Variants in NFATC3 observed in about 807,000 individuals in gnomAD.
The protein encoded by NFATC3 is nuclear factor of activated T cells 3, also known as nuclear factor of activated T-cells, cytoplasmic 3.
In NFATC3, 46 loss-of-function variants were observed where a neutral mutation model predicts 98.6. The observed-to-expected ratio is 0.47, with a 90% CI of 0.37 to 0.60. The LOEUF is 0.60. Among genes scored for constraint, NFATC3 ranks in the 20% least tolerant of loss-of-function variants. The pLI is 0.00. For synonymous variants in NFATC3, 512 were observed against 472.2 expected, an observed-to-expected ratio of 1.08 and a Z score of -1.09; for missense variants, 1,256 against 1,295.5, an observed-to-expected ratio of 0.97 and a Z score of 0.47.
In NFATC3 at chr16:68,228,087, G is replaced by T. The variant is rs1828426321; in HGVS notation, c.*1616G>T. On this transcript the variant is annotated 3_prime_UTR_variant, in exon 10 of 10. Coordinates refer to ENST00000346183, the MANE Select transcript of NFATC3 (RefSeq NM_173165.3). ...GCTGGCCTATTGCCCACCACCTGTT[G>T]TCAGTAGGTTAGGAGCTGTTGACTC... The T allele has an allele frequency of 6.6e-6, 1 of 152,196 alleles. No individual in the cohort carries two copies. The highest frequency in any genetic ancestry group is 1.5e-5 in the Non-Finnish European group (1 of 68,050). 9.4% of individuals were successfully genotyped at this position (152,196 alleles called of 1,614,324 possible).
At chr16:68,206,313 A>G (rs79719939) in intron 9 of NFATC3, among the ~76,000 whole-genome samples, 17,837 of 152,194 alleles carry the variant, frequency 0.12, 1,203 homozygotes, top group South Asian at 0.19. Flanking sequence ...TACATTCACA[A>G]TATTGTATAA....
chr16:68,117,404 C>T (rs1045263426), intron 1 of NFATC3, among the ~76,000 whole-genome samples: 19 of 152,170 alleles, frequency 1.2e-4, no homozygotes, highest in Admixed American at 9.8e-4. Context: ...TTTCCCATCT[C>T]GCAAGGCCTT....
intron 3 of NFATC3, among the ~76,000 whole-genome samples, chr16:68,141,918 C>T (rs1483923103): frequency 6.6e-6 from 1 of 152,008 alleles, no homozygotes; most frequent in Non-Finnish European, 1.5e-5. Context: ...CCTAGGTTTT[C>T]CTGTAGGATT....
At chr16:68,211,292 A>T (rs145040377) in intron 9 of NFATC3, among the ~76,000 whole-genome samples, 1 of 151,848 alleles carries the variant, frequency 6.6e-6, no homozygotes, top group Admixed American at 6.6e-5. Context: ...GGTTCACGCC[A>T]TTCTCCTGCC....
At chr16:68,169,722 C>T (rs1395107802) in intron 5 of NFATC3, among the ~76,000 whole-genome samples, 1 of 152,012 alleles carries the variant, frequency 6.6e-6, no homozygotes, top group Non-Finnish European at 1.5e-5. Flanking sequence ...AGGTGGATCA[C>T]CTGAGGTCAG....
At chr16:68,205,210 A>T (rs534123188) in intron 9 of NFATC3, among the ~76,000 whole-genome samples, 1 of 152,264 alleles carries the variant, frequency 6.6e-6, no homozygotes, top group South Asian at 2.1e-4. Flanking sequence ...AGATGATTTT[A>T]TGTAGAATGG....
chr16:68,209,240 G>A (rs1422090858), intron 9 of NFATC3, among the ~76,000 whole-genome samples: 2 of 152,130 alleles, frequency 1.3e-5, no homozygotes, highest in African/African-American at 4.8e-5. Flanking sequence ...GGTGGCTCAC[G>A]CCTGTGATAC....
intron 4 of NFATC3, among the ~76,000 whole-genome samples, chr16:68,163,470 C>T (rs1348784262): frequency 8.7e-5 from 13 of 149,930 alleles, no homozygotes; most frequent in East Asian, 2.0e-4. Flanking sequence ...ACCTCCCGGG[C>T]GGGGCTGCTG....
rs1400914362 is a variant in NFATC3, at chr16:68,122,578, G to C, written c.695G>C (p.Gly232Ala). Residue 232 changes from glycine to alanine, a missense_variant, in exon 2 of 10, where the codon GGA becomes GCA. Transcript: ENST00000346183. ...EETWHQQYGL[G>A]HSLSPRQSPC... ...ACTTGGCATCAACAGTATGGACTTGGACACTCATTATCACCCAGGCAATCT... is the reference window on the plus strand; with the variant it reads ...ACTTGGCATCAACAGTATGGACTTGCACACTCATTATCACCCAGGCAATCT... 3.1e-6 allele frequency: 5 copies of C among 1,614,088 alleles called. No individual in the cohort carries two copies. Among genetic ancestry groups the C allele is most frequent in the Non-Finnish European group, 4.2e-6 (5 of 1,180,014 alleles).
At chr16:68,089,141 TG>T in intron 1 of NFATC3, 3 of 985,434 alleles carry the variant, frequency 3.0e-6, no homozygotes, top group Non-Finnish European at 3.6e-6. Flanking sequence ...TCTGAAGGTT[TG>T]GGAGTACTTG....
At chr16:68,167,607 G>A (rs1244590356) in intron 5 of NFATC3, among the ~76,000 whole-genome samples, 1 of 151,952 alleles carries the variant, frequency 6.6e-6, no homozygotes. Flanking sequence ...GAAATATTGA[G>A]ACTAATACTT....
In NFATC3 at chr16:68,085,559, G is replaced by C; in HGVS notation, c.-123G>C. The C allele has an allele frequency of 1.3e-6, 1 of 796,676 alleles. No homozygotes were observed. Among genetic ancestry groups the C allele is most frequent in the Non-Finnish European group, 1.8e-6 (1 of 548,178 alleles). The allele number at this position is 796,676 out of a possible 1,614,324, so 49.4% of individuals were successfully genotyped here. On this transcript the variant is annotated 5_prime_UTR_variant, in exon 1 of 10. Coordinates refer to ENST00000346183, the MANE Select transcript of NFATC3 (RefSeq NM_173165.3). ...GCGGGCCCCGCCCGGAAAGTTTGCC[G>C]TGGAGTCGCGACCTCTTGGCCCGCG...
At chr16:68,149,882 A>T (rs935375885) in intron 3 of NFATC3, among the ~76,000 whole-genome samples, 4 of 152,212 alleles carry the variant, frequency 2.6e-5, no homozygotes, top group African/African-American at 4.8e-5. Flanking sequence ...GTAGACTATT[A>T]CCACTTCTCT....
chr16:68,198,987 G>A (rs994885857), intron 9 of NFATC3, among the ~76,000 whole-genome samples: 2 of 151,544 alleles, frequency 1.3e-5, no homozygotes, highest in Admixed American at 1.3e-4. Context: ...GGCGGGGATT[G>A]CAGTGAGCCA....
At chr16:68,105,804 T>C (rs1321788833) in intron 1 of NFATC3, among the ~76,000 whole-genome samples, 2 of 152,180 alleles carry the variant, frequency 1.3e-5, no homozygotes, top group African/African-American at 4.8e-5. Context: ...TCAGTTTTGG[T>C]AATCTCTGTA....
At chr16:68,111,294 A>G (rs2035934658) in intron 1 of NFATC3, among the ~76,000 whole-genome samples, 1 of 152,076 alleles carries the variant, frequency 6.6e-6, no homozygotes, top group South Asian at 2.1e-4. Context: ...TGTTTTATGA[A>G]ACTGAGTGTG....
intron 9 of NFATC3, among the ~76,000 whole-genome samples, chr16:68,213,665 C>A (rs548480216): frequency 1.3e-5 from 2 of 151,968 alleles, no homozygotes; most frequent in Non-Finnish European, 2.9e-5. Context: ...CCCATCTCTA[C>A]TAAAAATACA....
At position 68,227,048 on chromosome 16, in the gene NFATC3, T is replaced by C. The variant is rs1302861152; in HGVS notation, c.*577T>C. 6.6e-6 allele frequency: 1 copy of C among 152,014 alleles called. No individual in the cohort carries two copies. The highest frequency in any genetic ancestry group is 2.4e-5 in the African/African-American group (1 of 41,366). The allele number at this position is 152,014 out of a possible 1,614,324, so 9.4% of individuals were successfully genotyped here. A position where few individuals can be genotyped will look rare whatever the true frequency, so the allele number is the denominator to read the frequency against. On this transcript the variant is annotated 3_prime_UTR_variant, in exon 10 of 10. Coordinates refer to ENST00000346183, the MANE Select transcript of NFATC3 (RefSeq NM_173165.3). ...TATAGGAAATAAAGCCAAATGTAGC[T>C]CATACCTCTTTATAAAACTAAACTG...
chr16:68,122,604 C>G lies in NFATC3; in HGVS notation c.721C>G (p.Pro241Ala). 1 of 1,614,118 alleles carries G rather than the reference C, an allele frequency of 6.2e-7. No homozygotes were observed. Among genetic ancestry groups the G allele is most frequent in the Non-Finnish European group, 8.5e-7 (1 of 1,180,016 alleles). The change falls in exon 2 of 10, where the codon CCT becomes GCT. Residue 241 changes from proline (P) to alanine (A), a missense_variant. This residue lies in a region of NFATC3 where 464 missense variants were observed against 465.7 expected (regional missense o/e 1.00). Coordinates refer to ENST00000346183, the MANE Select transcript of NFATC3 (RefSeq NM_173165.3). The stretch of plus-strand genomic sequence containing the variant: ...ACACTCATTATCACCCAGGCAATCT[C>G]CTTGCCACTCTCCTAGATCCAGTGT... Reference protein sequence around the residue: ...LGHSLSPRQSPCHSPRSSVTD... With the variant: ...LGHSLSPRQSACHSPRSSVTD...
Sources: allele counts gnomAD v4.1 joint callset (sites outside exome capture counted in the v4.1 genomes callset), GRCh38; gene constraint gnomAD v4.1.1; regional missense constraint gnomAD v4.1.1; transcripts MANE v1.5; gene names NCBI Gene and HGNC (gene_info 2026-07-23, HGNC 2026-07-21).